LRRC4C: variants seen among roughly 807,000 people sequenced by gnomAD.
The protein encoded by LRRC4C is leucine-rich repeat-containing protein 4C.
A neutral mutation model predicts 33.6 loss-of-function variants in LRRC4C; 5 were observed. That is an observed-to-expected ratio of 0.15 (90% CI 0.08 to 0.31). LRRC4C has a LOEUF of 0.31. Ranked by LOEUF, LRRC4C falls within the 10% of genes least tolerant of loss-of-function variation. The probability of loss-of-function intolerance (pLI) is 1.00; values close to 1 mark genes in which losing one functional copy is unlikely to be tolerated. For synonymous variants in LRRC4C, 329 were observed against 302.0 expected (o/e 1.09, Z -0.93); for missense variants, 560 against 796.7 (o/e 0.70, Z 3.58).
intron 1 of LRRC4C, among the ~76,000 whole-genome samples, chr11:41,344,442 G>A (rs1175321674): frequency 1.3e-5 from 2 of 151,946 alleles, no homozygotes; most frequent in Non-Finnish European, 1.5e-5. Flanking sequence ...GGATGGTCTC[G>A]ATCTCCTGAC....
At chr11:41,071,052 C>T (rs1157279749) in intron 1 of LRRC4C, among the ~76,000 whole-genome samples, 1 of 152,102 alleles carries the variant, frequency 6.6e-6, no homozygotes, top group Non-Finnish European at 1.5e-5. Flanking sequence ...TCATATACAC[C>T]ATGGAATACT....
intron 3 of LRRC4C, among the ~76,000 whole-genome samples, chr11:40,525,477 A>C (rs1956006941): frequency 6.6e-6 from 1 of 152,056 alleles, no homozygotes; most frequent in African/African-American, 2.4e-5. Flanking sequence ...GGGTGGCTGG[A>C]GGGCAACCCC....
intron 1 of LRRC4C, among the ~76,000 whole-genome samples, chr11:41,445,828 G>A (rs906460269): frequency 6.6e-6 from 1 of 151,274 alleles, no homozygotes. Flanking sequence ...ATCCAAGCAG[G>A]AAGAGGGAAT....
intron 1 of LRRC4C, among the ~76,000 whole-genome samples, chr11:41,078,201 T>C (rs79276148): frequency 0.021 from 3,175 of 152,318 alleles, 116 homozygotes; most frequent in African/African-American, 0.073. Context: ...TCTTCCTTTC[T>C]TCTGAGGCCT....
At chr11:40,265,897 G>C (rs1050864394) in intron 4 of LRRC4C, among the ~76,000 whole-genome samples, 1 of 152,202 alleles carries the variant, frequency 6.6e-6, no homozygotes, top group Non-Finnish European at 1.5e-5. Context: ...GGAAGAATTT[G>C]ACAGATTTTA....
rs1331863215 is a variant in LRRC4C, at chr11:40,978,708, G to A, written c.-495-44985C>T. Among the ~76,000 whole-genome samples, 6 of 148,578 alleles carry A rather than the reference G, an allele frequency of 4.0e-5. No homozygotes were observed. In the South Asian group the frequency reaches 8.7e-4, roughly 21 times the overall value. Reference sequence around the variant, plus strand: ...GCACTCTCAGCTCACTGCAACCTCCGCCTCCCAGGTTCAAGCGATTCTCCT... The same window carrying A: ...GCACTCTCAGCTCACTGCAACCTCCACCTCCCAGGTTCAAGCGATTCTCCT... On this transcript the variant is annotated intron_variant, in intron 1 of 6. Coordinates refer to ENST00000528697, the MANE Select transcript of LRRC4C (RefSeq NM_001258419.2).
At chr11:41,048,004 T>C (rs1857900206) in intron 1 of LRRC4C, among the ~76,000 whole-genome samples, 1 of 152,174 alleles carries the variant, frequency 6.6e-6, no homozygotes. Context: ...TTAAACCACA[T>C]TTTGCTCTGA....
At chr11:40,522,486 C>T (rs1410235824) in intron 3 of LRRC4C, among the ~76,000 whole-genome samples, 10 of 152,264 alleles carry the variant, frequency 6.6e-5, no homozygotes, top group South Asian at 4.1e-4. Context: ...TTCCCCCATA[C>T]GGTTCCTGTG....
intron 2 of LRRC4C, among the ~76,000 whole-genome samples, chr11:40,820,217 G>T (rs1419296100): frequency 2.0e-5 from 3 of 151,984 alleles, no homozygotes; most frequent in African/African-American, 7.2e-5. Flanking sequence ...GCAGACAAAT[G>T]CTTGAAAGAA....
chr11:40,843,703 G>C (rs946887566), intron 2 of LRRC4C, among the ~76,000 whole-genome samples: 2 of 152,098 alleles, frequency 1.3e-5, no homozygotes, highest in African/African-American at 2.4e-5. Flanking sequence ...TTCCATAATA[G>C]TTACCTGCTA....
intron 3 of LRRC4C, among the ~76,000 whole-genome samples, chr11:40,520,636 G>C (rs368602429): frequency 6.6e-6 from 1 of 152,150 alleles, no homozygotes; most frequent in Admixed American, 6.5e-5. Flanking sequence ...TACTCTAAGA[G>C]CACCATAACA....
intron 1 of LRRC4C, among the ~76,000 whole-genome samples, chr11:41,302,383 A>G (rs1482787640): frequency 7.2e-5 from 11 of 152,338 alleles, no homozygotes; most frequent in Admixed American, 6.5e-5. Flanking sequence ...AGAACCTTTC[A>G]GTAGTTCTGC....
intron 3 of LRRC4C, among the ~76,000 whole-genome samples, chr11:40,347,393 T>C (rs1947183166): frequency 6.6e-6 from 1 of 152,200 alleles, no homozygotes; most frequent in Non-Finnish European, 1.5e-5. Flanking sequence ...TCCAGACCAC[T>C]AAAATTTTCT....
chr11:40,842,159 G>A (rs1952942387), intron 2 of LRRC4C, among the ~76,000 whole-genome samples: 1 of 152,154 alleles, frequency 6.6e-6, no homozygotes, highest in Admixed American at 6.6e-5. Context: ...ACACCTGTTT[G>A]TCTTTAGGGG....
At chr11:41,217,433 A>G (rs557052768) in intron 1 of LRRC4C, among the ~76,000 whole-genome samples, 2 of 152,350 alleles carry the variant, frequency 1.3e-5, no homozygotes, top group East Asian at 3.9e-4. Flanking sequence ...CCCAAGGTCA[A>G]ACAAGAAAAT....
intron 2 of LRRC4C, among the ~76,000 whole-genome samples, chr11:40,687,179 A>G (rs1945002887): frequency 6.6e-6 from 1 of 152,120 alleles, no homozygotes; most frequent in South Asian, 2.1e-4. Context: ...CCTGTAGGCT[A>G]GATAATTTAT....
At chr11:40,157,230 C>T (rs1858773370) in intron 5 of LRRC4C, among the ~76,000 whole-genome samples, 1 of 152,110 alleles carries the variant, frequency 6.6e-6, no homozygotes, top group South Asian at 2.1e-4. Flanking sequence ...AAACTGGATC[C>T]TCATCTCTCA....
intron 1 of LRRC4C, among the ~76,000 whole-genome samples, chr11:41,304,593 C>G (rs1372860594): frequency 1.5e-5 from 1 of 65,644 alleles, no homozygotes. Flanking sequence ...GCCCCCCGCC[C>G]GGCCAGCCGC....
intron 1 of LRRC4C, among the ~76,000 whole-genome samples, chr11:41,301,162 G>C (rs1252465733): frequency 6.6e-6 from 1 of 152,152 alleles, no homozygotes; most frequent in African/African-American, 2.4e-5. Context: ...CTGTGCTTTA[G>C]TAAGGATATG....
Sources: gnomAD v4.1 joint callset for allele counts (sites outside exome capture counted in the v4.1 genomes callset) on GRCh38, gnomAD v4.1.1 for gene constraint, MANE v1.5 for transcripts, NCBI Gene and HGNC (gene_info 2026-07-23, HGNC 2026-07-21) for gene names.